Variants in STEAP4 observed in about 807,000 individuals in gnomAD.
The protein encoded by STEAP4 is STEAP4 metalloreductase.
Under a neutral mutation model 43.6 loss-of-function variants are expected in STEAP4, and 36 were observed. That is an observed-to-expected ratio of 0.83 (90% CI 0.63 to 1.09). STEAP4 has a LOEUF of 1.09. Among genes scored for constraint, STEAP4 ranks in the 50% least tolerant of loss-of-function variants. The pLI is 0.00. For synonymous variants in STEAP4, 191 were observed against 196.7 expected (o/e 0.97, Z 0.24); for missense variants, 495 against 546.5 (o/e 0.91, Z 0.94).
At chr7:88,281,415 C>T (rs1217602637) in intron 3 of STEAP4, 4 of 178,264 alleles carry the variant, frequency 2.2e-5, no homozygotes, top group African/African-American at 9.5e-5. Context: ...CAAACAATTA[C>T]ATCAGAATTC....
At chr7:88,296,635 T>C (rs1852928150) in intron 1 of STEAP4, among the ~76,000 whole-genome samples, 2 of 152,136 alleles carry the variant, frequency 1.3e-5, no homozygotes, top group African/African-American at 2.4e-5. Flanking sequence ...TCTGCAACTA[T>C]ATCAGTCTTC....
At chr7:88,293,939 T>G (rs1852882301) in intron 1 of STEAP4, among the ~76,000 whole-genome samples, 1 of 152,128 alleles carries the variant, frequency 6.6e-6, no homozygotes, top group Admixed American at 6.6e-5. Context: ...TCCTATAAAT[T>G]TTAGAATAAT....
chr7:88,288,234 G>A (rs1367831342), intron 1 of STEAP4, among the ~76,000 whole-genome samples: 1 of 152,204 alleles, frequency 6.6e-6, no homozygotes, highest in African/African-American at 2.4e-5. Flanking sequence ...GCAATGCTGT[G>A]ATCTTGGCTC....
chr7:88,281,769 G>C (rs1852624451), intron 3 of STEAP4: 1 of 152,126 alleles, frequency 6.6e-6, no homozygotes, highest in Non-Finnish European at 1.5e-5. Context: ...TGAATCTTTT[G>C]ATTATGCATA....
rs1213101070 is a variant in STEAP4, at chr7:88,277,911, A to G, written c.*1487T>C. On this transcript the variant is annotated 3_prime_UTR_variant, in exon 5 of 5. Transcript: ENST00000380079. Reference sequence around the variant, plus strand: ...AAAGGAAAACAAAGCCTTTAGAAAAACAAAGCCTTTGAAAAAGGATGTAAA... The same window carrying G: ...AAAGGAAAACAAAGCCTTTAGAAAAGCAAAGCCTTTGAAAAAGGATGTAAA... 5 of 152,030 alleles carry G rather than the reference A, an allele frequency of 3.3e-5. No homozygotes were observed. 9.4% of individuals were successfully genotyped at this position (152,030 alleles called of 1,614,324 possible).
chr7:88,283,362 AG>A, intron 2 of STEAP4, 194 bp from the exon 3 acceptor site: 1 of 587,078 alleles, frequency 1.7e-6, no homozygotes, highest in East Asian at 3.0e-5. Context: ...GGTAAGTACC[AG>A]GGTTTTTAGT....
chr7:88,295,152 G>C (rs1236410762), intron 1 of STEAP4, among the ~76,000 whole-genome samples: 1 of 152,068 alleles, frequency 6.6e-6, no homozygotes, highest in East Asian at 1.9e-4. Flanking sequence ...GCTGGGATCC[G>C]TCATTAGATA....
At chr7:88,301,052 C>T (rs922826455) in intron 1 of STEAP4, among the ~76,000 whole-genome samples, 4 of 152,160 alleles carry the variant, frequency 2.6e-5, no homozygotes, top group East Asian at 1.9e-4. Flanking sequence ...ATCCCCAGCA[C>T]GTATTTTAAA....
Position 88,279,250 on chromosome 7 carries a change from A to AC in STEAP4, c.*147dup. 1.5e-6 allele frequency: 1 copy of AC among 676,064 alleles called. No homozygotes were observed. Among genetic ancestry groups the AC allele is most frequent in the Non-Finnish European group, 2.5e-6 (1 of 402,656 alleles). 41.9% of individuals were successfully genotyped at this position (676,064 alleles called of 1,614,324 possible). ...CAGTATGTCAGTCAATTTCTCAAAG[A>AC]CAAGCAATGTTTCCCTCAGTCACGG... On this transcript the variant is annotated 3_prime_UTR_variant, in exon 5 of 5. Transcript: ENST00000380079.
intron 4 of STEAP4, among the ~76,000 whole-genome samples, chr7:88,280,234 TA>T (rs2115947749): frequency 6.6e-6 from 1 of 152,348 alleles, no homozygotes; most frequent in East Asian, 1.9e-4. Flanking sequence ...AACCTAATTT[TA>T]AAGACTAATG....
Position 88,281,056 on chromosome 7 carries a change from T to C in STEAP4, c.1008A>G (p.Pro336=). Reference sequence around the variant, plus strand: ...TGAGCCAGGCTGAGGAGGTGCTAAATGGATTCTCCTTCTTGAGTATTGCCT... The same window carrying C: ...TGAGCCAGGCTGAGGAGGTGCTAAACGGATTCTCCTTCTTGAGTATTGCCT... The part of the protein sequence containing the change: ...VTQAILKKEN[P]FSTSSAWLSD... Residue 336 remains proline, a synonymous_variant, in exon 4 of 5, where the codon CCA becomes CCG. Transcript: ENST00000380079. 6.2e-7 allele frequency: 1 copy of C among 1,600,352 alleles called. No individual in the cohort carries two copies. Among genetic ancestry groups the C allele is most frequent in the Non-Finnish European group, 8.5e-7 (1 of 1,175,802 alleles).
At chr7:88,291,543 A>G (rs1852834373) in intron 1 of STEAP4, among the ~76,000 whole-genome samples, 2 of 152,002 alleles carry the variant, frequency 1.3e-5, no homozygotes, top group African/African-American at 4.8e-5. Context: ...CTCAACCACA[A>G]GGGAGATCAA....
Position 88,277,227 on chromosome 7 carries a change from A to G in STEAP4, c.*2171T>C, listed in dbSNP as rs1402948387. ...TGATACTGTAGGGTCAGCACCGTAT[A>G]CCATGACTCTACTCAATGTCGTCCA... On this transcript the variant is annotated 3_prime_UTR_variant, in exon 5 of 5. Transcript: ENST00000380079. The G allele has an allele frequency of 6.6e-6, 1 of 152,228 alleles. No homozygotes were observed. The highest frequency in any genetic ancestry group is 1.5e-5 in the Non-Finnish European group (1 of 68,052). 9.4% of individuals were successfully genotyped at this position (152,228 alleles called of 1,614,324 possible). A position where few individuals can be genotyped will look rare whatever the true frequency, so the allele number is the denominator to read the frequency against.
chr7:88,295,011 A>G (rs1300630162), intron 1 of STEAP4, among the ~76,000 whole-genome samples: 1 of 152,238 alleles, frequency 6.6e-6, no homozygotes, highest in African/African-American at 2.4e-5. Context: ...ACAAAAATAT[A>G]CAAATTTAAA....
At chr7:88,297,227 T>G (rs1852938157) in intron 1 of STEAP4, among the ~76,000 whole-genome samples, 1 of 152,210 alleles carries the variant, frequency 6.6e-6, no homozygotes. Flanking sequence ...AAATGTTATC[T>G]CCTTACAAAG....
At chr7:88,297,829 T>G (rs1404707140) in intron 1 of STEAP4, among the ~76,000 whole-genome samples, 1 of 152,196 alleles carries the variant, frequency 6.6e-6, no homozygotes, top group African/African-American at 2.4e-5. Flanking sequence ...AAGCTCATAA[T>G]AAGTTGAAAA....
At chr7:88,289,114 A>G (rs1563500195) in intron 1 of STEAP4, among the ~76,000 whole-genome samples, 1 of 151,700 alleles carries the variant, frequency 6.6e-6, no homozygotes, top group South Asian at 2.1e-4. Flanking sequence ...CTATTGTTCA[A>G]TGATGTATCT....
chr7:88,296,289 A>G (rs896528575), intron 1 of STEAP4, among the ~76,000 whole-genome samples: 4 of 152,184 alleles, frequency 2.6e-5, no homozygotes, highest in African/African-American at 9.6e-5. Flanking sequence ...ATTCTGAAAT[A>G]ATCATTCATC....
At chr7:88,306,253 A>G (rs1484607586) in intron 1 of STEAP4, among the ~76,000 whole-genome samples, 2 of 152,152 alleles carry the variant, frequency 1.3e-5, no homozygotes, top group African/African-American at 4.8e-5. Context: ...CTCTGGACAA[A>G]CAAACGGAAC....
Sources: allele counts gnomAD v4.1 joint callset (sites outside exome capture counted in the v4.1 genomes callset), GRCh38; gene constraint gnomAD v4.1.1; transcripts MANE v1.5; gene names NCBI Gene and HGNC (gene_info 2026-07-23, HGNC 2026-07-21).